Variants in CD2AP observed in about 807,000 individuals in gnomAD.
CD2AP encodes the protein CD2 associated protein.
Under a neutral mutation model 85.1 loss-of-function variants are expected in CD2AP, and 46 were observed. The observed-to-expected ratio is 0.54, with a 90% confidence interval of 0.43 to 0.69. The LOEUF is 0.69. Among genes scored for constraint, CD2AP ranks in the 30% least tolerant of loss-of-function variants. CD2AP has a pLI of 0.00. For synonymous variants in CD2AP, 255 were observed against 252.9 expected (o/e 1.01, Z -0.08); for missense variants, 769 against 729.5 (o/e 1.05, Z -0.62).
intron 5 of CD2AP, among the ~76,000 whole-genome samples, chr6:47,561,462 T>A (rs536789853): frequency 9.2e-5 from 14 of 152,168 alleles, no homozygotes; most frequent in Admixed American, 8.5e-4. Flanking sequence ...CAGCTACCTA[T>A]CAAGGCAAAC....
At chr6:47,541,376 G>A (rs60037572) in intron 3 of CD2AP, among the ~76,000 whole-genome samples, 50,678 of 152,018 alleles carry the variant, frequency 0.33, 9,319 homozygotes, top group Middle Eastern at 0.52. Flanking sequence ...CGCCTGCCTC[G>A]GCCTCCCAAA....
intron 1 of CD2AP, among the ~76,000 whole-genome samples, chr6:47,499,179 C>T (rs1221069020): frequency 6.6e-6 from 1 of 152,018 alleles, no homozygotes; most frequent in Non-Finnish European, 1.5e-5. Context: ...TGGCCATTTT[C>T]CTAAAGAGTC....
At position 47,594,901 on chromosome 6, in the gene CD2AP, C is replaced by T. The variant is rs1036978528; in HGVS notation, c.1109-960C>T. Among the ~76,000 whole-genome samples, 9 of 152,092 alleles carry T rather than the reference C, an allele frequency of 5.9e-5. No homozygotes were observed. The East Asian group carries it at 1.7e-3, about 29-fold the overall frequency. ...CTACGATGTTCAGGTTTTATAATCA[C>T]CAGTTTCTGGTTGATATGAAATCTT... On this transcript the variant is annotated intron_variant, in intron 11 of 17. Coordinates refer to ENST00000359314, the MANE Select transcript of CD2AP (RefSeq NM_012120.3).
In CD2AP at chr6:47,533,379, C is replaced by G. The variant is rs143814652; in HGVS notation, c.166-223C>G. Among the ~76,000 whole-genome samples the G allele has an allele frequency of 2.5e-3, 383 of 152,248 alleles. 1 individual carries two copies. Among genetic ancestry groups the G allele is most frequent in the African/African-American group, 8.5e-3 (354 of 41,554 alleles). ...GGGGTGGGGTTTGAGCCTCTCTTTC[C>G]TTTATCTTCATCTCCAGTTCTGATA... On this transcript the variant is annotated intron_variant, in intron 2 of 17. Transcript: ENST00000359314.
intron 2 of CD2AP, among the ~76,000 whole-genome samples, chr6:47,520,471 G>A (rs1314621012): frequency 6.6e-6 from 1 of 152,192 alleles, no homozygotes; most frequent in Non-Finnish European, 1.5e-5. Flanking sequence ...TGGAGAGGCA[G>A]ATGTACTTCA....
intron 5 of CD2AP, among the ~76,000 whole-genome samples, chr6:47,565,141 C>G (rs576476884): frequency 1.3e-5 from 2 of 152,154 alleles, no homozygotes; most frequent in East Asian, 3.9e-4. Context: ...CATTGAAGAA[C>G]TGTAGGATAA....
At chr6:47,503,227 A>G in intron 1 of CD2AP, 53 bp from the exon 2 acceptor site, 2 of 1,476,480 alleles carry the variant, frequency 1.4e-6, no homozygotes, top group Non-Finnish European at 1.9e-6. Flanking sequence ...AATATAGTTT[A>G]CAGTATTTTG....
chr6:47,490,408 AT>A lies in CD2AP; in HGVS notation c.4+12168del, dbSNP rs146723866. Among the ~76,000 whole-genome samples, 465 of 151,894 alleles carry A rather than the reference AT, an allele frequency of 3.1e-3. 5 individuals are homozygous for A. The highest frequency in any genetic ancestry group is 0.011 in the African/African-American group (452 of 41,474). ...ACTTTATGATGGCTATTCATATGGT[AT>A]TTTTTTTGATCTGCTTGAAACATGC... On this transcript the variant is annotated intron_variant, in intron 1 of 17. Coordinates refer to ENST00000359314, the MANE Select transcript of CD2AP (RefSeq NM_012120.3).
intron 4 of CD2AP, among the ~76,000 whole-genome samples, chr6:47,554,432 G>A (rs984973849): frequency 7.9e-5 from 12 of 152,236 alleles, no homozygotes; most frequent in African/African-American, 2.6e-4. Flanking sequence ...AATGTGCGAA[G>A]TACTGTTGAT....
rs371517849 is a variant in CD2AP at position 47,609,115 on chromosome 6, G to A, written c.1633-8G>A. On this transcript the variant is annotated splice_region_variant and splice_polypyrimidine_tract_variant and intron_variant, in intron 15 of 17. Coordinates refer to ENST00000359314, the MANE Select transcript of CD2AP (RefSeq NM_012120.3). ...ATAAAATCAGAAATTTTTTTTTTAC[G>A]TTTTCAGCCATCTGTGTACCTTTCA... The A allele has an allele frequency of 1.2e-4, 185 of 1,577,976 alleles. No individual in the cohort carries two copies. In the Middle Eastern group the frequency reaches 2.0e-3, roughly 17 times the overall value.
intron 8 of CD2AP, 51 bp from the exon 9 acceptor site, chr6:47,579,334 T>TCAA: frequency 1.2e-6 from 1 of 802,508 alleles, no homozygotes. Flanking sequence ...CACTTTATCT[T>TCAA]AAAAAAAAAA....
At chr6:47,601,898 T>C (rs192796108) in intron 13 of CD2AP, among the ~76,000 whole-genome samples, 1 of 152,088 alleles carries the variant, frequency 6.6e-6, no homozygotes, top group African/African-American at 2.4e-5. Context: ...TACTAGTTGA[T>C]TGCTGATAGT....
chr6:47,546,044 T>G (rs746553554), intron 4 of CD2AP, among the ~76,000 whole-genome samples: 7 of 152,174 alleles, frequency 4.6e-5, no homozygotes, highest in Non-Finnish European at 1.0e-4. Context: ...AGAAGGTAAG[T>G]TATTTAGCTA....
chr6:47,500,731 G>A (rs1765975773), intron 1 of CD2AP, among the ~76,000 whole-genome samples: 1 of 151,188 alleles, frequency 6.6e-6, no homozygotes, highest in Non-Finnish European at 1.5e-5. Context: ...GAGTCTGCAG[G>A]AGGCCATTCC....
chr6:47,582,332 A>G (rs868097489), intron 11 of CD2AP: 1 of 281,242 alleles, frequency 3.6e-6, no homozygotes, highest in East Asian at 7.0e-5. Context: ...GCATTAAATA[A>G]CTATGCTTTT....
intron 3 of CD2AP, among the ~76,000 whole-genome samples, chr6:47,544,335 A>G (rs920167118): frequency 2.0e-5 from 3 of 152,172 alleles, no homozygotes; most frequent in Admixed American, 2.0e-4. Flanking sequence ...TTAGTCTCAA[A>G]AATGGTAATG....
rs145701631 is a variant in CD2AP at position 47,524,280 on chromosome 6, T to C, written c.166-9322T>C. On this transcript the variant is annotated intron_variant, in intron 2 of 17. Transcript: ENST00000359314. Reference sequence around the variant, plus strand: ...GCCAGAGCTGGGCTTCTGGGATATCTCCTGCTCTAGCTCCTTGGACCCAGC... The same window carrying C: ...GCCAGAGCTGGGCTTCTGGGATATCCCCTGCTCTAGCTCCTTGGACCCAGC... 1.1e-4 allele frequency among the ~76,000 whole-genome samples: 17 copies of C among 152,276 alleles called. No individual in the cohort carries two copies. The East Asian group carries it at 2.9e-3, about 26-fold the overall frequency.
chr6:47,510,906 C>G (rs1766294857), intron 2 of CD2AP, among the ~76,000 whole-genome samples: 2 of 151,740 alleles, frequency 1.3e-5, no homozygotes, highest in East Asian at 1.9e-4. Context: ...AACCCCATCT[C>G]TACTAAAAAT....
intron 2 of CD2AP, among the ~76,000 whole-genome samples, chr6:47,523,904 G>C (rs1285862843): frequency 1.3e-5 from 2 of 152,086 alleles, no homozygotes; most frequent in East Asian, 3.9e-4. Flanking sequence ...CAATATAGAA[G>C]TATCCATTGT....
Sources: allele counts gnomAD v4.1 joint callset (sites outside exome capture counted in the v4.1 genomes callset), GRCh38; gene constraint gnomAD v4.1.1; transcripts MANE v1.5; gene names NCBI Gene and HGNC (gene_info 2026-07-23, HGNC 2026-07-21).